Variants in ACTR3 observed in about 807,000 individuals in gnomAD.
ACTR3 encodes the protein actin related protein 3, also known as actin-related protein 3.
ACTR3 carries 12 observed loss-of-function variants against 56.8 expected under a neutral mutation model. The observed-to-expected ratio is 0.21, with a 90% CI of 0.14 to 0.34. The LOEUF (loss-of-function observed/expected upper bound fraction) is 0.34. Ranked by LOEUF, ACTR3 falls within the 10% of genes least tolerant of loss-of-function variation. ACTR3 has a pLI of 1.00. For missense variants in ACTR3, 282 were observed against 512.5 expected (o/e 0.55, Z 4.34); for synonymous variants, 162 against 167.4 (o/e 0.97, Z 0.25).
chr2:113,942,884 T>C (rs1296087875), intron 8 of ACTR3, among the ~76,000 whole-genome samples: 5 of 152,208 alleles, frequency 3.3e-5, no homozygotes, highest in Non-Finnish European at 5.9e-5. Flanking sequence ...ATTCTTCTGG[T>C]AACTTAGTAT....
At chr2:113,903,599 G>C (rs1679140855) in intron 1 of ACTR3, among the ~76,000 whole-genome samples, 2 of 150,172 alleles carry the variant, frequency 1.3e-5, no homozygotes, top group Admixed American at 1.3e-4. Flanking sequence ...GCAGTAGCGC[G>C]ATCTCGGCTC....
intron 3 of ACTR3, among the ~76,000 whole-genome samples, chr2:113,918,812 C>A (rs1482922959): frequency 6.6e-6 from 1 of 152,102 alleles, no homozygotes; most frequent in Non-Finnish European, 1.5e-5. Flanking sequence ...GCCACATAGA[C>A]AATGAAGAGA....
At chr2:113,898,906 G>A (rs1679053469) in intron 1 of ACTR3, among the ~76,000 whole-genome samples, 1 of 152,134 alleles carries the variant, frequency 6.6e-6, no homozygotes, top group African/African-American at 2.4e-5. Flanking sequence ...TCAAAGATAA[G>A]TAGTAGATTT....
At chr2:113,931,724 C>T (rs1679726692) in intron 5 of ACTR3, among the ~76,000 whole-genome samples, 1 of 151,810 alleles carries the variant, frequency 6.6e-6, no homozygotes, top group Non-Finnish European at 1.5e-5. Flanking sequence ...TGTAAATAAT[C>T]CTTTATCATT....
At chr2:113,904,085 C>G (rs1043172033) in intron 1 of ACTR3, 1 of 152,294 alleles carries the variant, frequency 6.6e-6, no homozygotes, top group Non-Finnish European at 1.5e-5. Context: ...TGGTCTCGAT[C>G]TCCTGACCTC....
chr2:113,960,200 T>C lies in ACTR3; in HGVS notation c.*2745T>C, dbSNP rs1046647710. 3.3e-5 allele frequency: 5 copies of C among 152,022 alleles called. No homozygotes were observed. The highest frequency in any genetic ancestry group is 1.2e-4 in the African/African-American group (5 of 41,446). 9.4% of individuals were successfully genotyped at this position (152,022 alleles called of 1,614,324 possible). On this transcript the variant is annotated 3_prime_UTR_variant, in exon 12 of 12. Coordinates refer to ENST00000263238, the MANE Select transcript of ACTR3 (RefSeq NM_005721.5). ...ATAAAATCAATGATCATTATCTAAC[T>C]TGATGCCTGCTTTTCAAAAAGTGAG...
At chr2:113,896,107 G>A (rs1446520869) in intron 1 of ACTR3, among the ~76,000 whole-genome samples, 1 of 152,120 alleles carries the variant, frequency 6.6e-6, no homozygotes, top group Non-Finnish European at 1.5e-5. Flanking sequence ...TAATCCTCTT[G>A]CCCTGACCTC....
At chr2:113,898,227 T>G (rs1679043674) in intron 1 of ACTR3, among the ~76,000 whole-genome samples, 1 of 152,060 alleles carries the variant, frequency 6.6e-6, no homozygotes, top group Admixed American at 6.6e-5. Context: ...TACTCAAGGG[T>G]ACAAATATAG....
At chr2:113,948,793 A>T (rs555489103) in intron 8 of ACTR3, among the ~76,000 whole-genome samples, 83 of 152,026 alleles carry the variant, frequency 5.5e-4, no homozygotes, top group Non-Finnish European at 7.9e-4. Context: ...GGATATTCAG[A>T]TGTATAGGGT....
chr2:113,890,575 C>T (rs1368602415), intron 1 of ACTR3: 23 of 1,364,856 alleles, frequency 1.7e-5, no homozygotes, highest in African/African-American at 3.1e-5. Flanking sequence ...TTTCTCCGCG[C>T]GACCCCTCCC....
chr2:113,947,767 A>AT (rs1375760378), intron 8 of ACTR3, among the ~76,000 whole-genome samples: 1 of 151,908 alleles, frequency 6.6e-6, no homozygotes, highest in Non-Finnish European at 1.5e-5. Flanking sequence ...TTCATATATC[A>AT]TTTTTTCTAT....
chr2:113,945,106 G>A (rs1013177622), intron 8 of ACTR3, among the ~76,000 whole-genome samples: 1 of 152,200 alleles, frequency 6.6e-6, no homozygotes, highest in South Asian at 2.1e-4. Context: ...TAGCAGAGGA[G>A]TGAGCATGAG....
At chr2:113,899,074 A>G (rs950267963) in intron 1 of ACTR3, among the ~76,000 whole-genome samples, 1 of 152,178 alleles carries the variant, frequency 6.6e-6, no homozygotes. Flanking sequence ...TTTAGTACAA[A>G]TATGAAACAT....
intron 10 of ACTR3, chr2:113,954,125 T>C (rs1680168331): frequency 6.6e-6 from 1 of 152,226 alleles, no homozygotes; most frequent in South Asian, 2.1e-4. Flanking sequence ...TGATATTGTA[T>C]CATTTTTAGT....
intron 2 of ACTR3, among the ~76,000 whole-genome samples, chr2:113,914,689 T>A (rs1679371994): frequency 6.6e-6 from 1 of 151,942 alleles, no homozygotes; most frequent in South Asian, 2.1e-4. Flanking sequence ...GGGAAATGGT[T>A]TTAGGGTTTT....
upstream of ACTR3, chr2:113,890,030 GGA>G: frequency 1.7e-6 from 1 of 586,366 alleles, no homozygotes; most frequent in Non-Finnish European, 3.1e-6. Flanking sequence ...TGAGGAGGAG[GGA>G]AGAGAGAGGG....
intron 5 of ACTR3, among the ~76,000 whole-genome samples, chr2:113,932,144 A>G (rs1462291281): frequency 6.6e-6 from 1 of 152,204 alleles, no homozygotes; most frequent in African/African-American, 2.4e-5. Flanking sequence ...CACAGAATCA[A>G]TAAGTGATAA....
At chr2:113,936,393 T>C (rs1184778735) in intron 6 of ACTR3, among the ~76,000 whole-genome samples, 1 of 152,110 alleles carries the variant, frequency 6.6e-6, no homozygotes, top group Non-Finnish European at 1.5e-5. Context: ...TAGTAGAGTA[T>C]TTTTTATTAT....
Position 113,902,283 on chromosome 2 carries a change from C to A in ACTR3, c.45-10889C>A, listed in dbSNP as rs547576874. On this transcript the variant is annotated intron_variant, in intron 1 of 11. Coordinates refer to ENST00000263238, the MANE Select transcript of ACTR3 (RefSeq NM_005721.5). Reference sequence around the variant, plus strand: ...TTCTTATATTTCTACTATTATTCTTCTAGTCACCAAGGCTTTGATAGCTTC... The same window carrying A: ...TTCTTATATTTCTACTATTATTCTTATAGTCACCAAGGCTTTGATAGCTTC... 2.0e-5 allele frequency among the ~76,000 whole-genome samples: 3 copies of A among 152,126 alleles called. No individual in the cohort carries two copies. In the South Asian group the frequency reaches 6.2e-4, roughly 32 times the overall value.
Sources: allele counts gnomAD v4.1 joint callset (sites outside exome capture counted in the v4.1 genomes callset), GRCh38; gene constraint gnomAD v4.1.1; transcripts MANE v1.5; gene names NCBI Gene and HGNC (gene_info 2026-07-23, HGNC 2026-07-21).